Variants in CTNNA2 observed in about 807,000 individuals in gnomAD.
CTNNA2 encodes the protein catenin alpha 2, also known as catenin alpha-2.
Under a neutral mutation model 101.0 loss-of-function variants are expected in CTNNA2, and 42 were observed. The ratio of observed to expected loss-of-function variants is 0.42; its 90% CI spans 0.32 to 0.54. The LOEUF is 0.54. Among genes scored for constraint, CTNNA2 ranks in the 20% least tolerant of loss-of-function variants. The pLI, the probability that CTNNA2 is intolerant of heterozygous loss-of-function variation, is 0.14. For synonymous variants in CTNNA2, 450 were observed against 456.4 expected (o/e 0.99, Z 0.18); for missense variants, 871 against 1,223.1 (o/e 0.71, Z 4.29).
chr2:80,573,819 G>A (rs567500084), intron 12 of CTNNA2, among the ~76,000 whole-genome samples: 15 of 152,288 alleles, frequency 9.8e-5, no homozygotes, highest in African/African-American at 3.6e-4. Flanking sequence ...ACAGTAACCA[G>A]TAACCAGCAG....
rs1037550096 is a variant in CTNNA2 at position 79,745,033 on chromosome 2, A to G, written c.298+451A>G. ...CATAGATTTCCTCACAAATGTAGCA[A>G]GCTAGCCACTCATTAATAAATCAGC... On this transcript the variant is annotated intron_variant, in intron 3 of 18. Coordinates refer to ENST00000402739, the MANE Select transcript of CTNNA2 (RefSeq NM_001282597.3). Among the ~76,000 whole-genome samples, 4 of 152,330 alleles carry G rather than the reference A, an allele frequency of 2.6e-5. No individual in the cohort carries two copies. In the Middle Eastern group the frequency reaches 0.01, roughly 389 times the overall value.
At chr2:79,303,700 C>T (rs1035931832) in intron 2 of CTNNA2, among the ~76,000 whole-genome samples, 2 of 151,956 alleles carry the variant, frequency 1.3e-5, no homozygotes, top group African/African-American at 4.8e-5. Flanking sequence ...AGGCAAGGCA[C>T]AGAGGAGACC....
intron 7 of CTNNA2, among the ~76,000 whole-genome samples, chr2:80,209,828 C>T (rs1339733174): frequency 1.3e-5 from 2 of 152,152 alleles, no homozygotes; most frequent in Non-Finnish European, 2.9e-5. Flanking sequence ...AGAGCGAAAA[C>T]CCGAATGCTA....
Position 79,857,102 on chromosome 2 carries a change from G to C in CTNNA2, c.299-911G>C, listed in dbSNP as rs570164933. Among the ~76,000 whole-genome samples the C allele has an allele frequency of 4.2e-4, 64 of 152,308 alleles. 1 individual carries two copies. In the East Asian group the frequency reaches 0.011, roughly 27 times the overall value. On this transcript the variant is annotated intron_variant, in intron 3 of 18. Transcript: ENST00000402739. Reference sequence around the variant, plus strand: ...AGAGAACTGCAGGTCTCTGTACTCAGCATGGGGCTCCAGGCTTCAGAGCCC... The same window carrying C: ...AGAGAACTGCAGGTCTCTGTACTCACCATGGGGCTCCAGGCTTCAGAGCCC...
intron 16 of CTNNA2, chr2:80,605,746 C>A (rs141621726): frequency 1.3e-5 from 2 of 152,012 alleles, no homozygotes; most frequent in African/African-American, 4.8e-5. Flanking sequence ...TCAACGAATT[C>A]TCATTTTAAT....
At chr2:80,511,742 A>T (rs1223036586) in intron 9 of CTNNA2, among the ~76,000 whole-genome samples, 1 of 152,198 alleles carries the variant, frequency 6.6e-6, no homozygotes, top group African/African-American at 2.4e-5. Flanking sequence ...CCAAGGTCAA[A>T]TTTAATAGTG....
intron 9 of CTNNA2, among the ~76,000 whole-genome samples, chr2:80,459,112 G>A (rs757639875): frequency 7.2e-5 from 11 of 152,114 alleles, no homozygotes; most frequent in Non-Finnish European, 1.5e-4. Context: ...AGGCTATACC[G>A]TATAGCCTAG....
At chr2:80,011,229 A>G (rs189827137) in intron 7 of CTNNA2, among the ~76,000 whole-genome samples, 21 of 152,218 alleles carry the variant, frequency 1.4e-4, no homozygotes, top group Admixed American at 1.0e-3. Flanking sequence ...AGAAAAGATT[A>G]TTTATATTTT....
chr2:79,655,422 A>G (rs117872343), intron 2 of CTNNA2, among the ~76,000 whole-genome samples: 3 of 152,202 alleles, frequency 2.0e-5, no homozygotes, highest in Admixed American at 1.3e-4. Flanking sequence ...TGAATTAGGC[A>G]TGGGCTAGCA....
At chr2:80,298,607 T>C (rs1290902620) in intron 7 of CTNNA2, 1 of 152,258 alleles carries the variant, frequency 6.6e-6, no homozygotes, top group African/African-American at 2.4e-5. Context: ...CAAGTGGCAT[T>C]TGCCCCTCTG....
chr2:79,474,704 C>G (rs1032089926), intron 4 of CTNNA2, among the ~76,000 whole-genome samples: 4 of 151,880 alleles, frequency 2.6e-5, no homozygotes, highest in Non-Finnish European at 4.4e-5. Context: ...AGTTCATTTC[C>G]AAACGAAATT....
intron 3 of CTNNA2, among the ~76,000 whole-genome samples, chr2:79,799,732 A>C (rs1344516553): frequency 6.6e-6 from 1 of 152,346 alleles, no homozygotes; most frequent in Middle Eastern, 3.4e-3. Flanking sequence ...CACAGTCTTA[A>C]TGTCACATTA....
intron 7 of CTNNA2, among the ~76,000 whole-genome samples, chr2:79,933,150 C>T (rs796471986): frequency 1.5e-4 from 23 of 152,230 alleles, no homozygotes; most frequent in Middle Eastern, 3.4e-3. Flanking sequence ...CCACTACCAC[C>T]ATAATCACAA....
intron 7 of CTNNA2, among the ~76,000 whole-genome samples, chr2:80,292,855 C>A (rs985901369): frequency 1.3e-5 from 2 of 152,158 alleles, no homozygotes; most frequent in Admixed American, 1.3e-4. Context: ...TGTTTAGTGG[C>A]ATTTCAGTTA....
intron 1 of CTNNA2, among the ~76,000 whole-genome samples, chr2:79,565,993 A>G (rs1240085521): frequency 6.6e-6 from 1 of 152,134 alleles, no homozygotes; most frequent in Non-Finnish European, 1.5e-5. Context: ...CCGAAAAGAC[A>G]AAATGAAGGA....
chr2:80,432,823 A>G (rs1574027966), intron 9 of CTNNA2, among the ~76,000 whole-genome samples: 1 of 152,046 alleles, frequency 6.6e-6, no homozygotes, highest in East Asian at 1.9e-4. Context: ...TTTTTTTTGA[A>G]AAGAGTGGTT....
chr2:79,352,290 A>G (rs543864367), intron 3 of CTNNA2, among the ~76,000 whole-genome samples: 1 of 151,854 alleles, frequency 6.6e-6, no homozygotes, highest in African/African-American at 2.4e-5. Flanking sequence ...CAGGTTTTCA[A>G]TTTCTTCCTG....
chr2:80,407,027 C>A (rs1040563683), intron 8 of CTNNA2, among the ~76,000 whole-genome samples: 1 of 152,016 alleles, frequency 6.6e-6, no homozygotes, highest in African/African-American at 2.4e-5. Flanking sequence ...CAGGTCAGAA[C>A]ACCTACATTA....
intron 4 of CTNNA2, among the ~76,000 whole-genome samples, chr2:79,381,642 A>G (rs1035407848): frequency 6.6e-6 from 1 of 152,178 alleles, no homozygotes; most frequent in Admixed American, 6.5e-5. Flanking sequence ...AGAAGTTCAT[A>G]CCTCAATTGA....
Sources: gnomAD v4.1 joint callset for allele counts (sites outside exome capture counted in the v4.1 genomes callset) on GRCh38, gnomAD v4.1.1 for gene constraint, MANE v1.5 for transcripts, NCBI Gene and HGNC (gene_info 2026-07-23, HGNC 2026-07-21) for gene names.